Variants in FARS2 observed in about 807,000 individuals in gnomAD.
FARS2 encodes phenylalanine--tRNA ligase, mitochondrial.
In FARS2, 40 loss-of-function variants were observed where a neutral mutation model predicts 46.4. The ratio of observed to expected loss-of-function variants is 0.86; its 90% CI spans 0.67 to 1.12. The LOEUF (loss-of-function observed/expected upper bound fraction) is 1.12, where lower values mean the gene tolerates loss of function less well. FARS2 is among the 50% of genes most tolerant of loss of function. The probability of loss-of-function intolerance (pLI) is 0.00; values close to 1 mark genes in which losing one functional copy is unlikely to be tolerated. For synonymous variants in FARS2, 234 were observed against 214.9 expected (o/e 1.09, Z -0.78); for missense variants, 513 against 567.9 (o/e 0.90, Z 0.98).
At chr6:5,352,602 T>C (rs1171342543) in intron 1 of FARS2, among the ~76,000 whole-genome samples, 1 of 151,542 alleles carries the variant, frequency 6.6e-6, no homozygotes, top group East Asian at 1.9e-4. Context: ...TGGGCCTTGG[T>C]TTCCTCATCT....
intron 6 of FARS2, among the ~76,000 whole-genome samples, chr6:5,657,823 G>A (rs1408765703): frequency 6.6e-6 from 1 of 152,196 alleles, no homozygotes; most frequent in Non-Finnish European, 1.5e-5. Flanking sequence ...CTGAGTCATT[G>A]TTAAGAGTGG....
chr6:5,769,632 G>A (rs1420146479), intron 6 of FARS2, among the ~76,000 whole-genome samples: 1 of 152,228 alleles, frequency 6.6e-6, no homozygotes, highest in Non-Finnish European at 1.5e-5. Flanking sequence ...GAAAGAGCCA[G>A]GTGGGGAGAG....
intron 1 of FARS2, among the ~76,000 whole-genome samples, chr6:5,292,278 G>A (rs1054726754): frequency 6.6e-6 from 1 of 152,238 alleles, no homozygotes; most frequent in African/African-American, 2.4e-5. Flanking sequence ...GTTTTAAGCA[G>A]AAAAGTGACC....
chr6:5,343,646 T>C lies in FARS2; in HGVS notation c.-21-24904T>C, dbSNP rs1337861971. 6.6e-6 allele frequency among the ~76,000 whole-genome samples: 1 copy of C among 152,254 alleles called. No individual in the cohort carries two copies. The highest frequency in any genetic ancestry group is 1.9e-4 in the East Asian group (1 of 5,198). ...ACATGTAAACCCAGTGTTGAACTTC[T>C]GTACATTAAGTTTTTATCACCTTTA... On this transcript the variant is annotated intron_variant, in intron 1 of 6. Transcript: ENST00000274680. The surrounding 1 kb of genome is among the most constrained non-coding windows in gnomAD (Gnocchi z 4.5).
At chr6:5,582,964 A>G (rs1773420257) in intron 5 of FARS2, among the ~76,000 whole-genome samples, 1 of 152,106 alleles carries the variant, frequency 6.6e-6, no homozygotes, top group South Asian at 2.1e-4. Flanking sequence ...TTTGAGTTGT[A>G]TTAAAATGGG....
intron 5 of FARS2, among the ~76,000 whole-genome samples, chr6:5,599,882 G>C (rs966444767): frequency 6.6e-6 from 1 of 151,354 alleles, no homozygotes; most frequent in African/African-American, 2.4e-5. Context: ...TCTCAGGCTT[G>C]CTTCTTTTTT....
At chr6:5,396,827 C>T (rs1297431648) in intron 2 of FARS2, among the ~76,000 whole-genome samples, 2 of 152,160 alleles carry the variant, frequency 1.3e-5, no homozygotes, top group African/African-American at 4.8e-5. Context: ...ACCTTCACCT[C>T]TTCAAGAGCG....
rs75826682 is a variant in FARS2 at position 5,467,091 on chromosome 6, C to T, written c.904+35919C>T. On this transcript the variant is annotated intron_variant, in intron 4 of 6. Transcript: ENST00000274680. Reference sequence around the variant, plus strand: ...TTCTGTAAGTTGAATAGTCACTTCCCGATTTATTGGTTGTTGAGCCCTCCA... The same window carrying T: ...TTCTGTAAGTTGAATAGTCACTTCCTGATTTATTGGTTGTTGAGCCCTCCA... 9.5e-4 allele frequency: 934 copies of T among 984,896 alleles called. 6 individuals carry two copies. The African/African-American group carries it at 0.015, about 16-fold the overall frequency. 61.0% of individuals were successfully genotyped at this position (984,896 alleles called of 1,614,324 possible). A position where few individuals can be genotyped will look rare whatever the true frequency, so the allele number is the denominator to read the frequency against.
At chr6:5,487,638 G>A (rs976228911) in intron 4 of FARS2, among the ~76,000 whole-genome samples, 1 of 152,132 alleles carries the variant, frequency 6.6e-6, no homozygotes, top group African/African-American at 2.4e-5. Flanking sequence ...TGGTCTGAGG[G>A]CAGATTCTGT....
rs144030439 is a variant in FARS2, at chr6:5,700,492, C to T, written c.1218-70799C>T. Among the ~76,000 whole-genome samples, 386 of 152,160 alleles carry T rather than the reference C, an allele frequency of 2.5e-3. 2 individuals are homozygous for T. The highest frequency in any genetic ancestry group is 8.9e-3 in the African/African-American group (369 of 41,502). ...CACAGTCTCAGCTCACTGCGACCTC[C>T]ACCTCCCGGGTTCTCCTGCCTCAGC... On this transcript the variant is annotated intron_variant, in intron 6 of 6. Coordinates refer to ENST00000274680, the MANE Select transcript of FARS2 (RefSeq NM_006567.5).
intron 6 of FARS2, among the ~76,000 whole-genome samples, chr6:5,650,581 C>T (rs1008823879): frequency 1.3e-5 from 2 of 152,126 alleles, no homozygotes; most frequent in South Asian, 2.1e-4. Flanking sequence ...CCTGGGTTCA[C>T]GCCATTCTCC....
intron 4 of FARS2, among the ~76,000 whole-genome samples, chr6:5,439,365 C>A (rs1763716156): frequency 6.6e-6 from 1 of 152,248 alleles, no homozygotes; most frequent in South Asian, 2.1e-4. Flanking sequence ...TGCAGACACA[C>A]AGACAGGCTT....
chr6:5,729,219 G>C (rs62408100), intron 6 of FARS2, among the ~76,000 whole-genome samples: 19,290 of 152,256 alleles, frequency 0.13, 1,572 homozygotes, highest in Non-Finnish European at 0.19. Flanking sequence ...AGTTGGTCTT[G>C]AGTGTGTGTT....
chr6:5,592,916 C>T (rs1407768708), intron 5 of FARS2, among the ~76,000 whole-genome samples: 1 of 152,196 alleles, frequency 6.6e-6, no homozygotes, highest in Non-Finnish European at 1.5e-5. Flanking sequence ...ACCAACCATC[C>T]ATCACACTGG....
At chr6:5,304,560 A>G (rs973102751) in intron 1 of FARS2, among the ~76,000 whole-genome samples, 3 of 152,180 alleles carry the variant, frequency 2.0e-5, no homozygotes, top group African/African-American at 7.2e-5. Flanking sequence ...CAATGCCACC[A>G]CAAAGGCATT....
chr6:5,725,110 G>A lies in FARS2; in HGVS notation c.1218-46181G>A, dbSNP rs187104404. ...TTTGCAATGGCCTGACTTAAAAGCC[G>A]TGGGATTTCCATGAAATCTCTGGAT... On this transcript the variant is annotated intron_variant, in intron 6 of 6. Coordinates refer to ENST00000274680, the MANE Select transcript of FARS2 (RefSeq NM_006567.5). Among the ~76,000 whole-genome samples, 39 of 152,378 alleles carry A rather than the reference G, an allele frequency of 2.6e-4. No individual in the cohort carries two copies. The South Asian group carries it at 5.4e-3, about 21-fold the overall frequency.
chr6:5,420,172 A>G (rs12154101), intron 3 of FARS2, among the ~76,000 whole-genome samples: 104,201 of 151,938 alleles, frequency 0.69, 36,102 homozygotes, highest in East Asian at 0.93. Context: ...GAACAGCATG[A>G]GAAAGACCTA....
At chr6:5,697,528 G>A (rs1582789441) in intron 6 of FARS2, among the ~76,000 whole-genome samples, 2 of 152,106 alleles carry the variant, frequency 1.3e-5, no homozygotes. Context: ...AAAATAATGA[G>A]TATCCAATGC....
chr6:5,653,597 C>T (rs2150765300), intron 6 of FARS2, among the ~76,000 whole-genome samples: 1 of 152,284 alleles, frequency 6.6e-6, no homozygotes, highest in Non-Finnish European at 1.5e-5. Context: ...ACAAGCAGGC[C>T]CCTCCTGGGG....
Sources: allele counts gnomAD v4.1 joint callset (sites outside exome capture counted in the v4.1 genomes callset), GRCh38; gene constraint gnomAD v4.1.1; non-coding constraint Gnocchi (gnomAD v3.1); transcripts MANE v1.5; gene names NCBI Gene and HGNC (gene_info 2026-07-23, HGNC 2026-07-21).